CSMD3: variants seen among roughly 807,000 people sequenced by gnomAD.
The protein encoded by CSMD3 is CUB and Sushi multiple domains 3.
Under a neutral mutation model 435.2 loss-of-function variants are expected in CSMD3, and 177 were observed. The ratio of observed to expected loss-of-function variants is 0.41; its 90% CI spans 0.36 to 0.46. The LOEUF (loss-of-function observed/expected upper bound fraction) is 0.46, where lower values mean the gene tolerates loss of function less well. CSMD3 is among the 20% of genes least tolerant of loss of function. The pLI is 0.34. For synonymous variants in CSMD3, 1,656 were observed against 1,520.5 expected (o/e 1.09, Z -2.07); for missense variants, 4,265 against 4,504.6 (o/e 0.95, Z 1.52).
chr8:113,019,297 T>C, intron 5 of CSMD3, 118 bp from the exon 6 acceptor site: 1 of 718,388 alleles, frequency 1.4e-6, no homozygotes, highest in South Asian at 1.5e-5. Flanking sequence ...CTGTCAACTT[T>C]TTAAGCACAA....
chr8:112,920,731 A>G (rs1450602618), intron 10 of CSMD3, among the ~76,000 whole-genome samples: 6 of 151,842 alleles, frequency 4.0e-5, no homozygotes, highest in East Asian at 1.9e-4. Context: ...AAGTCAGATG[A>G]TTTTAATACA....
intron 7 of CSMD3, among the ~76,000 whole-genome samples, chr8:112,969,887 A>C (rs2130904351): frequency 6.6e-6 from 1 of 152,150 alleles, no homozygotes; most frequent in East Asian, 1.9e-4. Flanking sequence ...AACATAATAA[A>C]ATATGACAAA....
At position 112,477,607 on chromosome 8, in the gene CSMD3, C is replaced by T. The variant is rs530711579; in HGVS notation, c.5279-4900G>A. 5.5e-4 allele frequency among the ~76,000 whole-genome samples: 84 copies of T among 152,154 alleles called. 1 individual carries two copies. Among genetic ancestry groups the T allele is most frequent in the Non-Finnish European group, 1.0e-3 (71 of 68,014 alleles). ...GGTCATTTAAAGGTATATGGCACCT[C>T]CCCATTCTCTCTCTCATTCTCTATC... is the stretch of plus-strand genomic sequence containing the variant. On this transcript the variant is annotated intron_variant, in intron 31 of 70. Coordinates refer to ENST00000297405, the MANE Select transcript of CSMD3 (RefSeq NM_198123.2).
chr8:112,847,972 T>A (rs936191079), intron 11 of CSMD3, among the ~76,000 whole-genome samples: 2 of 152,180 alleles, frequency 1.3e-5, no homozygotes, highest in Admixed American at 1.3e-4. Flanking sequence ...TCATTATAAA[T>A]TGGACCTTCA....
At chr8:112,661,621 C>T (rs532959329) in intron 17 of CSMD3, among the ~76,000 whole-genome samples, 235 of 152,206 alleles carry the variant, frequency 1.5e-3, no homozygotes, top group African/African-American at 5.4e-3. Context: ...TCAGCAGATG[C>T]TTTTCAACAT....
chr8:112,877,899 C>T (rs546296658), intron 10 of CSMD3, among the ~76,000 whole-genome samples: 1 of 152,182 alleles, frequency 6.6e-6, no homozygotes, highest in South Asian at 2.1e-4. Flanking sequence ...ATTCCTTACA[C>T]CTTATACAAA....
intron 36 of CSMD3, 46 bp from the exon 37 acceptor site, chr8:112,383,709 T>C (rs745437377): frequency 3.6e-6 from 4 of 1,111,518 alleles, no homozygotes; most frequent in Middle Eastern, 2.0e-4. Context: ...TCTAACCAGA[T>C]ACACATAACT....
intron 13 of CSMD3, among the ~76,000 whole-genome samples, chr8:112,697,223 C>T (rs1563865381): frequency 1.3e-5 from 2 of 152,190 alleles, no homozygotes; most frequent in African/African-American, 4.8e-5. Context: ...CATCCCATTA[C>T]TGGGTATATA....
At chr8:113,320,813 A>T (rs2093944378) in intron 1 of CSMD3, among the ~76,000 whole-genome samples, 1 of 152,066 alleles carries the variant, frequency 6.6e-6, no homozygotes, top group Non-Finnish European at 1.5e-5. Context: ...CAGGCTTCTT[A>T]GCAACCACAG....
chr8:112,350,644 A>G (rs1259638012), intron 40 of CSMD3, among the ~76,000 whole-genome samples: 2 of 152,110 alleles, frequency 1.3e-5, no homozygotes, highest in African/African-American at 4.8e-5. Context: ...AAAAAAAAGC[A>G]TGAATAGAAG....
rs910203780 is a variant in CSMD3 at position 112,550,730 on chromosome 8, G to A, written c.4505C>T (p.Thr1502Ile). 1 of 1,606,496 alleles carries A rather than the reference G, an allele frequency of 6.2e-7. No homozygotes were observed. The highest frequency in any genetic ancestry group is 8.5e-7 in the Non-Finnish European group (1 of 1,173,424). ...ATAAAAATCCGTGTCAAACTGGATG[G>A]TTACTATATTGAGGGTGCTATGAAT... is the stretch of plus-strand genomic sequence containing the variant. Reference protein sequence around the residue: ...EGIHSTLNIVTIQFDTDFYIS... With the variant: ...EGIHSTLNIVIIQFDTDFYIS... Residue 1502 changes from threonine (T) to isoleucine (I), a missense_variant, in exon 27 of 71, where the codon ACC (threonine) becomes ATC (isoleucine). Physicochemically the swap from Thr to Ile is moderately conservative, Grantham distance 89. Around this residue, in one of 3 missense-constraint regions of CSMD3, gnomAD observed 3,255 missense variants for 3,380.2 expected, o/e 0.96. Transcript: ENST00000297405.
chr8:112,532,897 G>A (rs1825674098), intron 27 of CSMD3, among the ~76,000 whole-genome samples: 1 of 152,036 alleles, frequency 6.6e-6, no homozygotes, highest in South Asian at 2.1e-4. Context: ...CAGTTTCTTA[G>A]GAGATAGACA....
At chr8:112,646,418 G>A (rs1394612596) in intron 19 of CSMD3, among the ~76,000 whole-genome samples, 2 of 152,240 alleles carry the variant, frequency 1.3e-5, no homozygotes, top group East Asian at 3.9e-4. Context: ...TTGTGTGTGT[G>A]TATTTACAAG....
chr8:113,368,018 C>CT (rs1298463540), intron 1 of CSMD3, among the ~76,000 whole-genome samples: 1 of 152,084 alleles, frequency 6.6e-6, no homozygotes, highest in African/African-American at 2.4e-5. Context: ...TTGCTACTGA[C>CT]TGCATCATTA....
intron 38 of CSMD3, among the ~76,000 whole-genome samples, chr8:112,372,035 A>G (rs1468798162): frequency 6.6e-6 from 1 of 152,168 alleles, no homozygotes. Flanking sequence ...ATACAAAAAC[A>G]AACACAGGCT....
At chr8:112,804,326 AAATT>A (rs869057501) in intron 12 of CSMD3, among the ~76,000 whole-genome samples, 25 of 92,566 alleles carry the variant, frequency 2.7e-4, no homozygotes, top group Non-Finnish European at 5.9e-4. Flanking sequence ...AGAAGAAAAT[AAATT>A]AAAAAAAAAA....
intron 1 of CSMD3, among the ~76,000 whole-genome samples, chr8:113,367,814 T>G (rs1347491226): frequency 1.3e-5 from 2 of 152,218 alleles, no homozygotes; most frequent in East Asian, 3.9e-4. Context: ...TTTCTTTAAA[T>G]AGACTTCCCT....
chr8:113,001,906 T>G (rs1396049339), intron 6 of CSMD3, among the ~76,000 whole-genome samples: 1 of 152,030 alleles, frequency 6.6e-6, no homozygotes, highest in Non-Finnish European at 1.5e-5. Context: ...AGTAAACTTT[T>G]GTTGAATAAA....
At chr8:112,357,793 C>T (rs1053579279) in intron 38 of CSMD3, among the ~76,000 whole-genome samples, 1 of 152,134 alleles carries the variant, frequency 6.6e-6, no homozygotes, top group African/African-American at 2.4e-5. Context: ...CCTGGATTTC[C>T]AGGTAGAAGT....
Sources: gnomAD v4.1 joint callset for allele counts (sites outside exome capture counted in the v4.1 genomes callset) on GRCh38, gnomAD v4.1.1 for gene constraint, gnomAD v4.1.1 regional missense constraint, MANE v1.5 for transcripts, NCBI Gene and HGNC (gene_info 2026-07-23, HGNC 2026-07-21) for gene names.